GRM8: variants seen among roughly 807,000 people sequenced by gnomAD.
GRM8 encodes glutamate metabotropic receptor 8, also known as metabotropic glutamate receptor 8.
GRM8 carries 47 observed loss-of-function variants against 87.2 expected under a neutral mutation model. The ratio of observed to expected loss-of-function variants is 0.54; its 90% CI spans 0.43 to 0.69. The LOEUF is 0.69. Among genes scored for constraint, GRM8 ranks in the 30% least tolerant of loss-of-function variants. The pLI, the probability that GRM8 is intolerant of heterozygous loss-of-function variation, is 0.00. For missense variants in GRM8, 1,019 were observed against 1,139.2 expected (o/e 0.89, Z 1.52); for synonymous variants, 396 against 404.5 (o/e 0.98, Z 0.25).
intron 2 of GRM8, among the ~76,000 whole-genome samples, chr7:127,118,808 G>T (rs1672185870): frequency 6.6e-6 from 1 of 152,050 alleles, no homozygotes; most frequent in Non-Finnish European, 1.5e-5. Flanking sequence ...TTTCCCACAG[G>T]TGTTCAGCTT....
intron 7 of GRM8, among the ~76,000 whole-genome samples, chr7:126,658,482 G>A (rs192033488): frequency 7.0e-4 from 106 of 152,148 alleles, no homozygotes; most frequent in African/African-American, 2.4e-3. Flanking sequence ...GCCTAAGAGA[G>A]CATCGAATCC....
At chr7:126,632,087 AACAG>A (rs1462969879) in intron 7 of GRM8, among the ~76,000 whole-genome samples, 1 of 152,196 alleles carries the variant, frequency 6.6e-6, no homozygotes. Flanking sequence ...CATCAGAGCA[AACAG>A]ACAACCCACA....
intron 9 of GRM8, among the ~76,000 whole-genome samples, chr7:126,485,379 G>A (rs1405571724): frequency 6.6e-6 from 1 of 151,560 alleles, no homozygotes; most frequent in Non-Finnish European, 1.5e-5. Flanking sequence ...GGGGTGGGGG[G>A]CATGAAAGGC....
chr7:126,811,958 G>A (rs1310115340), intron 6 of GRM8, among the ~76,000 whole-genome samples: 1 of 151,872 alleles, frequency 6.6e-6, no homozygotes, highest in East Asian at 1.9e-4. Flanking sequence ...AGAAATGATA[G>A]GCAACGAAGA....
In GRM8 at chr7:127,106,481, T is replaced by A; in HGVS notation, c.727+15A>T. The A allele has an allele frequency of 6.3e-7, 1 of 1,597,740 alleles. No individual in the cohort carries two copies. The highest frequency in any genetic ancestry group is 8.6e-7 in the Non-Finnish European group (1 of 1,165,714). On this transcript the variant is annotated intron_variant, in intron 3 of 10. Transcript: ENST00000339582. ...GTCACCTCCAAATACAATCATCTGA[T>A]AAATATATGCTTACCAATCTCCCTC...
intron 3 of GRM8, 21 bp downstream of exon 3, chr7:127,106,475 A>G (rs1305057142): frequency 1.9e-6 from 3 of 1,584,766 alleles, no homozygotes; most frequent in Non-Finnish European, 2.6e-6. Context: ...AAATACAATC[A>G]TCTGATAAAT....
intron 3 of GRM8, among the ~76,000 whole-genome samples, chr7:127,002,619 T>C (rs1419610886): frequency 6.6e-6 from 1 of 151,588 alleles, no homozygotes. Context: ...GGAGTGATAA[T>C]AAGATTTTGT....
intron 3 of GRM8, among the ~76,000 whole-genome samples, chr7:126,912,709 C>A (rs1457023936): frequency 6.6e-6 from 1 of 152,112 alleles, no homozygotes; most frequent in Non-Finnish European, 1.5e-5. Context: ...ACAGGTCATG[C>A]ACTGATAGGA....
intron 7 of GRM8, among the ~76,000 whole-genome samples, chr7:126,652,910 A>T (rs1279589930): frequency 6.6e-6 from 1 of 152,098 alleles, no homozygotes; most frequent in Non-Finnish European, 1.5e-5. Flanking sequence ...AATGTCAGGA[A>T]TCTCTGTAGC....
At chr7:126,830,532 G>C (rs181593014) in intron 6 of GRM8, among the ~76,000 whole-genome samples, 1 of 151,984 alleles carries the variant, frequency 6.6e-6, no homozygotes, top group Non-Finnish European at 1.5e-5. Context: ...CATAGTTCTC[G>C]AGCCTTGGCT....
chr7:127,240,691 A>G (rs1798242521), intron 2 of GRM8, among the ~76,000 whole-genome samples: 1 of 152,176 alleles, frequency 6.6e-6, no homozygotes, highest in Non-Finnish European at 1.5e-5. Flanking sequence ...TAAAAATAGA[A>G]AAGAGATGCC....
At chr7:127,082,666 G>C (rs1017792165) in intron 3 of GRM8, among the ~76,000 whole-genome samples, 8 of 152,126 alleles carry the variant, frequency 5.3e-5, no homozygotes, top group Non-Finnish European at 1.0e-4. Flanking sequence ...GCTGTTATTA[G>C]TCATTAACAC....
rs568314645 is a variant in GRM8 at position 126,522,250 on chromosome 7, C to T, written c.2430+10702G>A. Reference sequence around the variant, plus strand: ...TGAGTCCTCTCCTTTCCACTTCCACCGCCACATGTCAAACCCCCAATATTT... The same window carrying T: ...TGAGTCCTCTCCTTTCCACTTCCACTGCCACATGTCAAACCCCCAATATTT... On this transcript the variant is annotated intron_variant, in intron 9 of 10. Transcript: ENST00000339582. Among the ~76,000 whole-genome samples the T allele has an allele frequency of 1.1e-4, 17 of 152,246 alleles. 1 individual carries two copies. The highest frequency in any genetic ancestry group is 4.1e-4 in the South Asian group (2 of 4,820).
chr7:126,776,378 T>A (rs914592487), intron 6 of GRM8, among the ~76,000 whole-genome samples: 24 of 152,136 alleles, frequency 1.6e-4, no homozygotes, highest in African/African-American at 5.8e-4. Context: ...AGGGTTCTGA[T>A]GCTAGGTAGT....
At chr7:126,897,718 A>G (rs1282222476) in intron 6 of GRM8, among the ~76,000 whole-genome samples, 9 of 152,172 alleles carry the variant, frequency 5.9e-5, no homozygotes, top group Admixed American at 5.2e-4. Flanking sequence ...TAGCTTTCAG[A>G]ACTCAGCAGC....
rs182128613 is a variant in GRM8 at position 127,038,767 on chromosome 7, T to C, written c.727+67729A>G. On this transcript the variant is annotated intron_variant, in intron 3 of 10. Transcript: ENST00000339582. ...CTTTATATTATCTGCTAAAATGGAG[T>C]GGTAGGTATTTCTTTATCTTCTTGG... Among the ~76,000 whole-genome samples, 824 of 152,158 alleles carry C rather than the reference T, an allele frequency of 5.4e-3. 18 individuals carry two copies. The highest frequency in any genetic ancestry group is 3.1e-3 in the Non-Finnish European group (209 of 67,984).
intron 7 of GRM8, among the ~76,000 whole-genome samples, chr7:126,707,608 G>A (rs1210231655): frequency 6.6e-6 from 1 of 152,064 alleles, no homozygotes; most frequent in Non-Finnish European, 1.5e-5. Flanking sequence ...AGAGAACCCA[G>A]AAATAAACCC....
intron 8 of GRM8, among the ~76,000 whole-genome samples, chr7:126,600,549 A>G (rs1797639480): frequency 6.6e-6 from 1 of 152,190 alleles, no homozygotes. Flanking sequence ...TAATCTGTAC[A>G]TGAGTGTACT....
intron 7 of GRM8, among the ~76,000 whole-genome samples, chr7:126,645,389 C>T (rs1894732): frequency 0.31 from 46,775 of 152,012 alleles, 8,069 homozygotes; most frequent in East Asian, 0.43. Flanking sequence ...GCCCCATGGC[C>T]CCACCCAGAG....
Sources: allele counts gnomAD v4.1 joint callset (sites outside exome capture counted in the v4.1 genomes callset), GRCh38; gene constraint gnomAD v4.1.1; transcripts MANE v1.5; gene names NCBI Gene and HGNC (gene_info 2026-07-23, HGNC 2026-07-21).